Variants in CENPP observed in about 807,000 individuals in gnomAD.
The protein encoded by CENPP is centromere protein P.
A neutral mutation model predicts 35.6 loss-of-function variants in CENPP; 24 were observed. The observed-to-expected ratio is 0.67, with a 90% CI of 0.49 to 0.95. The LOEUF is 0.95. Among genes scored for constraint, CENPP ranks in the 40% least tolerant of loss-of-function variants. CENPP has a pLI of 0.00. For synonymous variants in CENPP, 120 were observed against 125.5 expected (o/e 0.96, Z 0.29); for missense variants, 332 against 345.3 (o/e 0.96, Z 0.31).
intron 5 of CENPP, among the ~76,000 whole-genome samples, chr9:92,436,209 T>G (rs1160328969): frequency 6.6e-6 from 1 of 152,250 alleles, no homozygotes; most frequent in Non-Finnish European, 1.5e-5. Flanking sequence ...TGTATTCTTT[T>G]TAGTGAAATG....
intron 5 of CENPP, among the ~76,000 whole-genome samples, chr9:92,399,866 A>C (rs947788020): frequency 1.3e-5 from 2 of 152,052 alleles, no homozygotes; most frequent in African/African-American, 2.4e-5. Flanking sequence ...CTTTTTGTCT[A>C]TTCATATACC....
intron 5 of CENPP, among the ~76,000 whole-genome samples, chr9:92,518,297 A>G (rs2131224847): frequency 6.6e-6 from 1 of 152,324 alleles, no homozygotes. Flanking sequence ...TCACTGCGGT[A>G]GTGGAAATGT....
intron 5 of CENPP, among the ~76,000 whole-genome samples, chr9:92,452,727 C>T (rs948256855): frequency 1.3e-5 from 2 of 152,102 alleles, no homozygotes. Context: ...TCCATCTGGT[C>T]CTGGACTCTT....
chr9:92,341,347 C>T (rs970163508), intron 3 of CENPP, among the ~76,000 whole-genome samples: 39 of 152,184 alleles, frequency 2.6e-4, no homozygotes, highest in Admixed American at 1.2e-3. Context: ...TACTTGATGT[C>T]TGTCACCCAC....
At chr9:92,359,833 A>G (rs1483528964) in intron 4 of CENPP, among the ~76,000 whole-genome samples, 1 of 150,312 alleles carries the variant, frequency 6.7e-6, no homozygotes, top group African/African-American at 2.5e-5. Context: ...AGCTGTGTGT[A>G]AGCTGCTCTG....
intron 5 of CENPP, among the ~76,000 whole-genome samples, chr9:92,541,878 C>G (rs995257644): frequency 6.6e-6 from 1 of 152,120 alleles, no homozygotes; most frequent in African/African-American, 2.4e-5. Flanking sequence ...ACTGCAACCT[C>G]CGCCTCCCAG....
intron 4 of CENPP, among the ~76,000 whole-genome samples, chr9:92,369,944 A>C (rs1374545308): frequency 6.6e-6 from 1 of 152,036 alleles, no homozygotes; most frequent in Non-Finnish European, 1.5e-5. Flanking sequence ...GTATGATGTT[A>C]CCTTGGGTTT....
chr9:92,479,886 C>G (rs952360081), intron 5 of CENPP, among the ~76,000 whole-genome samples: 3 of 152,126 alleles, frequency 2.0e-5, no homozygotes, highest in Non-Finnish European at 2.9e-5. Context: ...AAACCTCCCC[C>G]AGTTCAGTGT....
chr9:92,415,293 T>C (rs771234753), intron 5 of CENPP: 9 of 1,613,786 alleles, frequency 5.6e-6, no homozygotes, highest in Non-Finnish European at 7.6e-6. Flanking sequence ...CTTGTGTCTT[T>C]AGTTGTATTG....
chr9:92,457,204 C>T (rs1191406005), intron 5 of CENPP: 1 of 1,511,474 alleles, frequency 6.6e-7, no homozygotes, highest in Non-Finnish European at 8.9e-7. Flanking sequence ...ATATATAATA[C>T]TACCATTATT....
chr9:92,421,485 TAAGGAGTTATGGTATCATACCA>T (rs1843792586), intron 5 of CENPP, among the ~76,000 whole-genome samples: 1 of 152,216 alleles, frequency 6.6e-6, no homozygotes, highest in South Asian at 2.1e-4. Flanking sequence ...GAGGTAGATT[TAAGGAGTTATGGTATCATACCA>T]AAGGGCAGTG....
chr9:92,342,648 A>G (rs1022051254), intron 3 of CENPP, among the ~76,000 whole-genome samples: 1 of 152,236 alleles, frequency 6.6e-6, no homozygotes, highest in Non-Finnish European at 1.5e-5. Context: ...GAGCTGTGGA[A>G]TCAACAGGGT....
chr9:92,357,212 A>C (rs759758003), intron 4 of CENPP, among the ~76,000 whole-genome samples: 8 of 151,276 alleles, frequency 5.3e-5, no homozygotes, highest in Non-Finnish European at 7.4e-5. Context: ...GTTTTTTTAA[A>C]CTTTTTACTT....
intron 5 of CENPP, among the ~76,000 whole-genome samples, chr9:92,389,338 C>G (rs1208583331): frequency 1.3e-5 from 2 of 152,142 alleles, no homozygotes; most frequent in African/African-American, 4.8e-5. Flanking sequence ...GTATTTAATT[C>G]TTACTACATA....
rs546605360 is a variant in CENPP at position 92,615,548 on chromosome 9, T to A, written c.*2399T>A. 18 of 371,550 alleles carry A rather than the reference T, an allele frequency of 4.8e-5. No homozygotes were observed. Among genetic ancestry groups the A allele is most frequent in the African/African-American group, 3.3e-4 (16 of 48,012 alleles). 23.0% of individuals were successfully genotyped at this position (371,550 alleles called of 1,614,324 possible). A position where few individuals can be genotyped will look rare whatever the true frequency, so the allele number is the denominator to read the frequency against. ...TAGAGAATCAGACATGAGCCCTGGT[T>A]GGGAAAGAAGAACTATCCAGAACGT... On this transcript the variant is annotated 3_prime_UTR_variant, in exon 8 of 8. Coordinates refer to ENST00000375587, the MANE Select transcript of CENPP (RefSeq NM_001012267.3).
At chr9:92,366,484 C>T (rs924112050) in intron 4 of CENPP, among the ~76,000 whole-genome samples, 3 of 152,142 alleles carry the variant, frequency 2.0e-5, no homozygotes, top group Non-Finnish European at 4.4e-5. Context: ...ACTTGTGGCA[C>T]AGATTCCTAA....
intron 5 of CENPP, among the ~76,000 whole-genome samples, chr9:92,477,485 A>G (rs1360179715): frequency 6.6e-6 from 1 of 152,174 alleles, no homozygotes; most frequent in East Asian, 1.9e-4. Context: ...ACATTCTTGC[A>G]TTACAGCTCT....
chr9:92,343,639 G>A (rs1841188414), intron 3 of CENPP, among the ~76,000 whole-genome samples: 1 of 152,194 alleles, frequency 6.6e-6, no homozygotes, highest in Admixed American at 6.5e-5. Flanking sequence ...TGCTTCATGA[G>A]AGATTTGTAA....
In CENPP at chr9:92,390,415, A is replaced by AT. The variant is rs561552569; in HGVS notation, c.564+10564dup. Among the ~76,000 whole-genome samples the AT allele has an allele frequency of 8.5e-4, 130 of 152,178 alleles. No homozygotes were observed. In the East Asian group the frequency reaches 0.019, roughly 22 times the overall value. On this transcript the variant is annotated intron_variant, in intron 5 of 7. Transcript: ENST00000375587. ...CATTACATTTGATTGGAATCATGTA[A>AT]TTTTTTTTATTTTTTTGCTGGCATG... is the stretch of plus-strand genomic sequence containing the variant.
Sources: allele counts gnomAD v4.1 joint callset (sites outside exome capture counted in the v4.1 genomes callset), GRCh38; gene constraint gnomAD v4.1.1; transcripts MANE v1.5; gene names NCBI Gene and HGNC (gene_info 2026-07-23, HGNC 2026-07-21).